Variants in ABCC9 observed in about 807,000 individuals in gnomAD.
ABCC9 encodes the protein ATP binding cassette subfamily C member 9.
ABCC9 carries 95 observed loss-of-function variants against 188.3 expected under a neutral mutation model. The ratio of observed to expected loss-of-function variants is 0.50; its 90% CI spans 0.43 to 0.60. ABCC9 has a LOEUF of 0.60. ABCC9 is among the 20% of genes least tolerant of loss of function. ABCC9 has a pLI of 0.00. For missense variants in ABCC9, 1,102 were observed against 1,876.3 expected (o/e 0.59, Z 7.62); for synonymous variants, 659 against 652.7 (o/e 1.01, Z -0.15).
At chr12:21,867,984 G>A (rs1372366190) in intron 18 of ABCC9, among the ~76,000 whole-genome samples, 1 of 152,150 alleles carries the variant, frequency 6.6e-6, no homozygotes, top group Non-Finnish European at 1.5e-5. Context: ...TGTTTATCAT[G>A]ACAACCAGGA....
intron 3 of ABCC9, among the ~76,000 whole-genome samples, chr12:21,935,386 A>T (rs1949446452): frequency 6.6e-6 from 1 of 152,146 alleles, no homozygotes; most frequent in African/African-American, 2.4e-5. Context: ...TGTACCAAGA[A>T]TTATGTTGGC....
In ABCC9 at chr12:21,917,116, A is replaced by C. The variant is rs199717786; in HGVS notation, c.407-13T>G. 3.7e-6 allele frequency: 6 copies of C among 1,612,828 alleles called. No individual in the cohort carries two copies. Among genetic ancestry groups the C allele is most frequent in the Non-Finnish European group, 4.2e-6 (5 of 1,179,032 alleles). On this transcript the variant is annotated splice_polypyrimidine_tract_variant and intron_variant, in intron 5 of 39. Coordinates refer to ENST00000261200, the MANE Select transcript of ABCC9 (RefSeq NM_020297.4). ...TACAGGAACAGGGCTGAAAAGAAAA[A>C]GACAAAAAGAGAAAGATGCAATCTT...
At chr12:21,857,241 A>G (rs970744389) in intron 22 of ABCC9, among the ~76,000 whole-genome samples, 1 of 152,200 alleles carries the variant, frequency 6.6e-6, no homozygotes, top group Non-Finnish European at 1.5e-5. Context: ...AACACTATAC[A>G]TCAGGGATTA....
At chr12:21,870,617 T>C (rs944484307) in intron 18 of ABCC9, among the ~76,000 whole-genome samples, 10 of 152,160 alleles carry the variant, frequency 6.6e-5, no homozygotes, top group African/African-American at 2.4e-4. Context: ...AATGTTTCTG[T>C]TTTTTTCCTC....
intron 22 of ABCC9, among the ~76,000 whole-genome samples, chr12:21,859,026 G>A (rs1347549236): frequency 3.9e-5 from 6 of 152,070 alleles, no homozygotes; most frequent in African/African-American, 1.4e-4. Flanking sequence ...TAAATTATTA[G>A]TCCAAGATGG....
intron 5 of ABCC9, among the ~76,000 whole-genome samples, chr12:21,918,589 T>G (rs1565484432): frequency 6.6e-6 from 1 of 152,164 alleles, no homozygotes; most frequent in East Asian, 1.9e-4. Context: ...CTGAGCAGCT[T>G]AAAACTGCAC....
intron 34 of ABCC9, 42 bp from the exon 35 acceptor site, chr12:21,814,764 A>G (rs762012743): frequency 6.5e-6 from 10 of 1,528,298 alleles, no homozygotes; most frequent in Non-Finnish European, 9.1e-6. Flanking sequence ...GGACTCAGAA[A>G]AGGACAGAAG....
At position 21,875,650 on chromosome 12, in the gene ABCC9, T is replaced by C; in HGVS notation, c.2092+4A>G. On this transcript the variant is annotated splice_donor_region_variant and intron_variant, in intron 17 of 39. Coordinates refer to ENST00000261200, the MANE Select transcript of ABCC9 (RefSeq NM_020297.4). ...TACAAAAATGCATAACAGATAACTC[T>C]TACCTGTTGGAATTCGAATATCTAT... is the stretch of plus-strand genomic sequence containing the variant. 1 of 1,603,460 alleles carries C rather than the reference T, an allele frequency of 6.2e-7. No homozygotes were observed. The highest frequency in any genetic ancestry group is 8.5e-7 in the Non-Finnish European group (1 of 1,170,468).
At chr12:21,904,101 A>G (rs1170480368) in intron 12 of ABCC9, among the ~76,000 whole-genome samples, 1 of 152,202 alleles carries the variant, frequency 6.6e-6, no homozygotes, top group Non-Finnish European at 1.5e-5. Flanking sequence ...ATGGAACAGA[A>G]CAGAGCCCTC....
chr12:21,859,930 C>A (rs1009155530), intron 21 of ABCC9, among the ~76,000 whole-genome samples: 2 of 151,996 alleles, frequency 1.3e-5, no homozygotes, highest in African/African-American at 4.8e-5. Context: ...CATTAATAAC[C>A]AAAACACTTG....
intron 9 of ABCC9, among the ~76,000 whole-genome samples, chr12:21,910,580 CAGAAAG>C (rs1342424691): frequency 2.0e-5 from 3 of 151,730 alleles, no homozygotes; most frequent in Non-Finnish European, 2.9e-5. Context: ...CTAGAACAAA[CAGAAAG>C]AGATAAATAA....
intron 8 of ABCC9, 145 bp downstream of exon 8, chr12:21,912,727 T>A: frequency 1.2e-6 from 1 of 805,412 alleles, no homozygotes; most frequent in Non-Finnish European, 1.9e-6. Flanking sequence ...AAAAGGAAAA[T>A]TACTGTTTTC....
rs75617781 is a variant in ABCC9 at position 21,851,837 on chromosome 12, T to C, written c.2769+260A>G. On this transcript the variant is annotated intron_variant, in intron 24 of 39. Coordinates refer to ENST00000261200, the MANE Select transcript of ABCC9 (RefSeq NM_020297.4). ...CTGTAAGTTTTAAACACACATATAATTGCACTATGGTTGAAATGTAAACAA... is the reference window on the plus strand; with the variant it reads ...CTGTAAGTTTTAAACACACATATAACTGCACTATGGTTGAAATGTAAACAA... Among the ~76,000 whole-genome samples the C allele has an allele frequency of 3.5e-4, 53 of 152,296 alleles. 1 individual carries two copies. The highest frequency in any genetic ancestry group is 1.2e-3 in the African/African-American group (50 of 41,562).
At chr12:21,846,878 T>G (rs1245907898) in intron 25 of ABCC9, among the ~76,000 whole-genome samples, 1 of 152,070 alleles carries the variant, frequency 6.6e-6, no homozygotes, top group African/African-American at 2.4e-5. Flanking sequence ...TTCCTAGTAC[T>G]TAATCTTTCC....
At chr12:21,889,542 T>A (rs1947046174) in intron 14 of ABCC9, among the ~76,000 whole-genome samples, 1 of 152,190 alleles carries the variant, frequency 6.6e-6, no homozygotes, top group African/African-American at 2.4e-5. Context: ...GCCTTTATAA[T>A]TCCAAATCTA....
chr12:21,914,274 T>C (rs1344569), intron 7 of ABCC9, among the ~76,000 whole-genome samples: 53,138 of 152,112 alleles, frequency 0.35, 9,654 homozygotes, highest in Admixed American at 0.39. Context: ...TATTTGTAGA[T>C]GATGGCAATA....
chr12:21,931,482 G>A (rs1195075992), intron 4 of ABCC9, among the ~76,000 whole-genome samples: 1 of 151,872 alleles, frequency 6.6e-6, no homozygotes, highest in African/African-American at 2.4e-5. Flanking sequence ...CTAAAGAGTA[G>A]AAGAGCATAA....
At chr12:21,925,464 T>C (rs1214140607) in intron 5 of ABCC9, 4 of 702,188 alleles carry the variant, frequency 5.7e-6, no homozygotes, top group Non-Finnish European at 1.0e-5. Context: ...TACATAGTAA[T>C]TCTAGTAAAA....
intron 7 of ABCC9, among the ~76,000 whole-genome samples, chr12:21,913,431 C>T (rs1948412704): frequency 2.6e-5 from 4 of 152,126 alleles, no homozygotes; most frequent in Admixed American, 1.3e-4. Flanking sequence ...TGCCAAATAG[C>T]ATTGCATAGC....
Sources: allele counts gnomAD v4.1 joint callset (sites outside exome capture counted in the v4.1 genomes callset), GRCh38; gene constraint gnomAD v4.1.1; transcripts MANE v1.5; gene names NCBI Gene and HGNC (gene_info 2026-07-23, HGNC 2026-07-21).